Variants in KRT72 observed in about 807,000 individuals in gnomAD.
KRT72 encodes the protein keratin, type II cytoskeletal 72.
KRT72 carries 44 observed loss-of-function variants against 44.7 expected under a neutral mutation model. The ratio of observed to expected loss-of-function variants is 0.98; its 90% CI spans 0.77 to 1.27. The LOEUF (loss-of-function observed/expected upper bound fraction) is 1.27. Among genes scored for constraint, KRT72 ranks in the 50% most tolerant of loss-of-function variants. The pLI, the probability that KRT72 is intolerant of heterozygous loss-of-function variation, is 0.00. For missense variants in KRT72, 736 were observed against 667.1 expected, an observed-to-expected ratio of 1.10 and a Z score of -1.14; for synonymous variants, 302 against 280.4, an observed-to-expected ratio of 1.08 and a Z score of -0.77.
intron 2 of KRT72, among the ~76,000 whole-genome samples, chr12:52,593,973 A>G (rs1940146190): frequency 6.6e-6 from 1 of 152,238 alleles, no homozygotes. Context: ...ATGGTTGCAC[A>G]ACATTATGAA....
In KRT72 at chr12:52,591,591, G is replaced by A. The variant is rs1360778582; in HGVS notation, c.836C>T (p.Ser279Phe). The part of the protein sequence containing the change: ...TQIQSHISDT[S>F]IVLSMDNNRD... Reference sequence around the variant, plus strand: ...GTTGTTGTCCATTGACAGGACGATGGACGTGTCGCTGATGTGGGACTGGAT... The same window carrying A: ...GTTGTTGTCCATTGACAGGACGATGAACGTGTCGCTGATGTGGGACTGGAT... Residue 279 changes from serine to phenylalanine, a missense_variant, in exon 5 of 9, where the codon TCC becomes TTC. Transcript: ENST00000293745. 2.5e-6 allele frequency: 4 copies of A among 1,613,740 alleles called. 1 individual carries two copies. The highest frequency in any genetic ancestry group is 2.2e-5 in the South Asian group (2 of 91,054).
Position 52,601,234 on chromosome 12 carries a change from GCCGCCCAGGCGGCCGCCGCC to G in KRT72, c.199_218del (p.Gly67LeufsTer104). The G allele has an allele frequency of 1.3e-6, 2 of 1,590,342 alleles. No homozygotes were observed. The highest frequency in any genetic ancestry group is 1.7e-6 in the Non-Finnish European group (2 of 1,168,506). On this transcript the variant is annotated frameshift_variant, in exon 1 of 9. Coordinates refer to ENST00000293745, the MANE Select transcript of KRT72 (RefSeq NM_080747.3). LOFTEE classifies it high-confidence loss of function. ...CGCTGCCGAAGGCGGTGCCCACGAA[GCCGCCCAGGCGGCCGCCGCC>G]CCGCCGTGCAGCAGCGCTGAGCGCC...
intron 2 of KRT72, among the ~76,000 whole-genome samples, chr12:52,598,554 T>C (rs1940296864): frequency 6.6e-6 from 1 of 152,224 alleles, no homozygotes; most frequent in African/African-American, 2.4e-5. Context: ...TTTTTAGATT[T>C]AAAATTTGCC....
intron 2 of KRT72, among the ~76,000 whole-genome samples, chr12:52,598,651 T>C (rs1423203053): frequency 6.6e-6 from 1 of 152,180 alleles, no homozygotes. Context: ...GGGTTGTCCA[T>C]CTGGTTTTGA....
intron 2 of KRT72, among the ~76,000 whole-genome samples, chr12:52,596,292 A>T (rs183806824): frequency 7.2e-5 from 11 of 152,328 alleles, no homozygotes; most frequent in African/African-American, 2.2e-4. Flanking sequence ...CACTCACCTA[A>T]GAATGGAAAA....
intron 6 of KRT72, among the ~76,000 whole-genome samples, chr12:52,588,247 T>A (rs1939857727): frequency 6.6e-6 from 1 of 152,220 alleles, no homozygotes; most frequent in Admixed American, 6.5e-5. Context: ...TTTTAGGAGA[T>A]CCCATAAATC....
intron 2 of KRT72, among the ~76,000 whole-genome samples, chr12:52,595,845 A>C (rs985603663): frequency 1.3e-5 from 2 of 152,178 alleles, no homozygotes; most frequent in Admixed American, 6.5e-5. Flanking sequence ...TTATTGAAAA[A>C]TTTTCCAGAA....
chr12:52,591,280 A>G (rs902104892), intron 5 of KRT72, among the ~76,000 whole-genome samples, 184 bp downstream of exon 5: 9 of 152,218 alleles, frequency 5.9e-5, no homozygotes, highest in African/African-American at 2.2e-4. Context: ...CCAAGACTGT[A>G]GTTAATCTCC....
At chr12:52,591,729 C>A in intron 4 of KRT72, 101 bp from the exon 5 acceptor site, 1 of 1,217,078 alleles carries the variant, frequency 8.2e-7, no homozygotes. Context: ...CTCTGCCTTT[C>A]CTCAGCGTTT....
At chr12:52,598,796 C>T (rs1940307281) in intron 2 of KRT72, 102 bp downstream of exon 2, 1 of 945,592 alleles carries the variant, frequency 1.1e-6, no homozygotes, top group South Asian at 1.4e-5. Flanking sequence ...TCCTCCCTCC[C>T]CCGGTATCAG....
At chr12:52,594,259 G>A (rs773868359) in intron 2 of KRT72, among the ~76,000 whole-genome samples, 3 of 152,082 alleles carry the variant, frequency 2.0e-5, no homozygotes, top group Non-Finnish European at 2.9e-5. Context: ...CCATTACCGG[G>A]TATATACTCA....
At position 52,599,129 on chromosome 12, in the gene KRT72, G is replaced by C; in HGVS notation, c.427-17C>G. On this transcript the variant is annotated splice_polypyrimidine_tract_variant and intron_variant, in intron 1 of 8. Coordinates refer to ENST00000293745, the MANE Select transcript of KRT72 (RefSeq NM_080747.3). ...GAACCGCACCTGGAACCCAAAGGCAGTCATCGCCCAGAGTCCCCATGTTGT... is the reference window on the plus strand; with the variant it reads ...GAACCGCACCTGGAACCCAAAGGCACTCATCGCCCAGAGTCCCCATGTTGT... 1 of 1,613,212 alleles carries C rather than the reference G, an allele frequency of 6.2e-7. No individual in the cohort carries two copies. The highest frequency in any genetic ancestry group is 1.7e-4 in the Middle Eastern group (1 of 5,974).
At chr12:52,602,866 A>T (rs1940524095), upstream of KRT72, among the ~76,000 whole-genome samples, 1 of 152,212 alleles carries the variant, frequency 6.6e-6, no homozygotes, top group African/African-American at 2.4e-5. Flanking sequence ...ACAGGACATA[A>T]TAACAGCCGA....
In KRT72 at chr12:52,585,941, A is replaced by G; in HGVS notation, c.*41T>C. ...GGGAAGGAGAGGGAGGAGACGGGTG[A>G]GTTGGGAAGCCTTCTGCTCACAGAG... On this transcript the variant is annotated 3_prime_UTR_variant, in exon 9 of 9. Transcript: ENST00000293745. The G allele has an allele frequency of 6.4e-7, 1 of 1,560,960 alleles. No homozygotes were observed. Among genetic ancestry groups the G allele is most frequent in the Non-Finnish European group, 8.8e-7 (1 of 1,141,906 alleles).
At chr12:52,589,714 G>A (rs753164418) in intron 6 of KRT72, among the ~76,000 whole-genome samples, 7 of 152,166 alleles carry the variant, frequency 4.6e-5, no homozygotes, top group African/African-American at 9.7e-5. Flanking sequence ...AAAAGGAGCC[G>A]CAATGGGGAC....
At chr12:52,591,735 C>G (rs138828050) in intron 4 of KRT72, 107 bp from the exon 5 acceptor site, 1 of 1,121,094 alleles carries the variant, frequency 8.9e-7, no homozygotes, top group Admixed American at 2.2e-5. Flanking sequence ...CTTTCCTCAG[C>G]GTTTGAACTC....
intron 8 of KRT72, 91 bp from the exon 9 acceptor site, chr12:52,586,263 C>T (rs915431342): frequency 1.9e-6 from 2 of 1,076,844 alleles, no homozygotes; most frequent in South Asian, 1.6e-5. Flanking sequence ...CTCCTTTACT[C>T]TCGCCCGCAG....
intron 6 of KRT72, among the ~76,000 whole-genome samples, chr12:52,590,510 C>T (rs1592224743): frequency 6.6e-6 from 1 of 152,234 alleles, no homozygotes; most frequent in South Asian, 2.1e-4. Flanking sequence ...GGCAAGCCCA[C>T]CTGCACACGT....
chr12:52,587,860 C>A lies in KRT72; in HGVS notation c.1090-9G>T. On this transcript the variant is annotated splice_polypyrimidine_tract_variant and intron_variant, in intron 6 of 8. Transcript: ENST00000293745. ...GTCTCCAGATCGGCACACTGAGGGG[C>A]AAACAGATCCAGCACTTAAGAGTCA... is the stretch of plus-strand genomic sequence containing the variant. 1.9e-6 allele frequency: 3 copies of A among 1,612,344 alleles called. No homozygotes were observed. The South Asian group carries it at 3.3e-5, about 18-fold the overall frequency.
Sources: gnomAD v4.1 joint callset for allele counts (sites outside exome capture counted in the v4.1 genomes callset) on GRCh38, gnomAD v4.1.1 for gene constraint, MANE v1.5 for transcripts, NCBI Gene and HGNC (gene_info 2026-07-23, HGNC 2026-07-21) for gene names.